Variants in PLEKHA6 observed in about 807,000 individuals in gnomAD.
PLEKHA6 encodes pleckstrin homology domain-containing family A member 6.
Under a neutral mutation model 116.7 loss-of-function variants are expected in PLEKHA6, and 60 were observed. That is an observed-to-expected ratio of 0.51 (90% CI 0.42 to 0.64). PLEKHA6 has a LOEUF of 0.64. PLEKHA6 is among the 30% of genes least tolerant of loss of function. PLEKHA6 has a pLI of 0.00. For synonymous variants in PLEKHA6, 489 were observed against 556.1 expected (o/e 0.88, Z 1.70); for missense variants, 1,338 against 1,422.7 (o/e 0.94, Z 0.96).
chr1:204,346,959 C>T, intron 1 of PLEKHA6: 2 of 1,210,094 alleles, frequency 1.7e-6, no homozygotes, highest in Non-Finnish European at 2.4e-6. Flanking sequence ...TATCTCGGCT[C>T]TTAGAGTGCT....
At chr1:204,240,662 T>C (rs924802984) in intron 17 of PLEKHA6, among the ~76,000 whole-genome samples, 3 of 152,220 alleles carry the variant, frequency 2.0e-5, no homozygotes, top group Non-Finnish European at 4.4e-5. Flanking sequence ...GGTGTAATTA[T>C]GACCTTATTA....
intron 1 of PLEKHA6, among the ~76,000 whole-genome samples, chr1:204,291,592 A>G (rs187528211): frequency 6.6e-6 from 1 of 152,382 alleles, no homozygotes; most frequent in East Asian, 1.9e-4. Context: ...ACTCAGCAAT[A>G]AAAAGAAATG....
intron 3 of PLEKHA6, among the ~76,000 whole-genome samples, chr1:204,366,298 C>G (rs1240764676): frequency 6.6e-6 from 1 of 151,816 alleles, no homozygotes; most frequent in Non-Finnish European, 1.5e-5. Context: ...CAGTCTATAA[C>G]TGTCATGTGA....
intron 1 of PLEKHA6, among the ~76,000 whole-genome samples, chr1:204,353,602 G>A (rs956690754): frequency 1.3e-5 from 2 of 152,202 alleles, no homozygotes; most frequent in African/African-American, 2.4e-5. Flanking sequence ...CACATTTGAT[G>A]TGATCATGGA....
chr1:204,344,367 A>C (rs1672954879), intron 1 of PLEKHA6, among the ~76,000 whole-genome samples: 1 of 152,154 alleles, frequency 6.6e-6, no homozygotes, highest in African/African-American at 2.4e-5. Flanking sequence ...TGGGAGGCCT[A>C]GGCAGGTGGA....
intron 1 of PLEKHA6, among the ~76,000 whole-genome samples, chr1:204,334,140 A>G (rs891903477): frequency 2.6e-5 from 4 of 152,192 alleles, no homozygotes; most frequent in Non-Finnish European, 5.9e-5. Flanking sequence ...AAGGACAGAT[A>G]TGCTTCGGTC....
chr1:204,318,529 T>C (rs1671944743), intron 1 of PLEKHA6, among the ~76,000 whole-genome samples: 1 of 152,226 alleles, frequency 6.6e-6, no homozygotes. Flanking sequence ...CTCGGAAGTT[T>C]TGGCCACTGA....
At chr1:204,310,835 G>GA (rs1031719690) in intron 1 of PLEKHA6, among the ~76,000 whole-genome samples, 10 of 152,162 alleles carry the variant, frequency 6.6e-5, no homozygotes, top group African/African-American at 1.9e-4. Flanking sequence ...GACTTTGGGA[G>GA]AAAAAATCAT....
At chr1:204,311,901 C>T (rs1466606810) in intron 1 of PLEKHA6, among the ~76,000 whole-genome samples, 1 of 152,182 alleles carries the variant, frequency 6.6e-6, no homozygotes, top group East Asian at 1.9e-4. Flanking sequence ...AATAGCATTT[C>T]CTCTGGTCTC....
Position 204,257,069 on chromosome 1 carries a change from C to A in PLEKHA6, c.1524+284G>T, listed in dbSNP as rs368186384. Among the ~76,000 whole-genome samples, 137 of 152,320 alleles carry A rather than the reference C, an allele frequency of 9.0e-4. No homozygotes were observed. The highest frequency in any genetic ancestry group is 3.2e-3 in the African/African-American group (132 of 41,570). ...TCCTCAAGATTTGAAAAGACAGAACCCTCTCTGCCCTCTTATATGACGGCA... is the reference window on the plus strand; with the variant it reads ...TCCTCAAGATTTGAAAAGACAGAACACTCTCTGCCCTCTTATATGACGGCA... On this transcript the variant is annotated intron_variant, in intron 9 of 22. Transcript: ENST00000272203. This position sits in a 1 kb window ranked among gnomAD's most constrained non-coding sequence, Gnocchi z 6.5.
At chr1:204,255,289 G>C (rs141546135) in intron 9 of PLEKHA6, among the ~76,000 whole-genome samples, 3 of 152,064 alleles carry the variant, frequency 2.0e-5, no homozygotes, top group Admixed American at 2.0e-4. Context: ...GAGCTCCCTC[G>C]ACTCTGCGAC....
intron 1 of PLEKHA6, among the ~76,000 whole-genome samples, chr1:204,294,751 C>T (rs1471696566): frequency 6.6e-6 from 1 of 152,190 alleles, no homozygotes; most frequent in Non-Finnish European, 1.5e-5. Flanking sequence ...ATTCCCCCAT[C>T]TGTGAAAACG....
chr1:204,327,106 G>T, intron 1 of PLEKHA6: 1 of 642,390 alleles, frequency 1.6e-6, no homozygotes, highest in Non-Finnish European at 1.9e-6. Flanking sequence ...CTGCTCACAT[G>T]CTTGAGTCAC....
At chr1:204,296,445 A>G (rs1325219168) in intron 1 of PLEKHA6, among the ~76,000 whole-genome samples, 2 of 151,860 alleles carry the variant, frequency 1.3e-5, no homozygotes, top group East Asian at 1.9e-4. Flanking sequence ...CCCTCCTCCA[A>G]TGCCCTGCAC....
At chr1:204,351,843 T>C (rs1322011814) in intron 1 of PLEKHA6, among the ~76,000 whole-genome samples, 1 of 152,164 alleles carries the variant, frequency 6.6e-6, no homozygotes, top group Non-Finnish European at 1.5e-5. Flanking sequence ...GGTTTCAAGG[T>C]GACATTTTTA....
At position 204,267,593 on chromosome 1, in the gene PLEKHA6, T is replaced by A. The variant is rs371797045; in HGVS notation, c.208-46A>T. 3.2e-4 allele frequency: 481 copies of A among 1,524,988 alleles called. 4 individuals carry two copies. In the South Asian group the frequency reaches 4.9e-3, roughly 15 times the overall value. The allele number at this position is 1,524,988 out of a possible 1,614,324, so 94.5% of individuals were successfully genotyped here. On this transcript the variant is annotated intron_variant, in intron 4 of 22. Coordinates refer to ENST00000272203, the MANE Select transcript of PLEKHA6 (RefSeq NM_014935.5). ...AGATGTGAGGGCTGCAAGCTGGACG[T>A]GGACGAGGAGATGGGATGCAGGGAA...
chr1:204,321,931 T>C (rs1383802047), intron 1 of PLEKHA6, among the ~76,000 whole-genome samples: 1 of 152,214 alleles, frequency 6.6e-6, no homozygotes, highest in Non-Finnish European at 1.5e-5. Context: ...GAGCTGCCCC[T>C]GGGGCTCTGG....
chr1:204,223,501 C>A lies in PLEKHA6; in HGVS notation c.3116G>T (p.Gly1039Val). Residue 1039 changes from glycine to valine, a missense_variant, in exon 22 of 23, where the codon GGC becomes GTC. Coordinates refer to ENST00000272203, the MANE Select transcript of PLEKHA6 (RefSeq NM_014935.5). This position sits in a 1 kb window ranked among gnomAD's most constrained non-coding sequence, Gnocchi z 4.8. ...CCGCATGGTATAGCTGCTGTCGGCG[C>A]CCCGTGGGGATTCAGACGACAGGGG... ...ANPLSSESPRGADSSYTMRV is the reference protein window; with the variant it reads ...ANPLSSESPRVADSSYTMRV 2 of 1,550,146 alleles carry A rather than the reference C, an allele frequency of 1.3e-6. No individual in the cohort carries two copies. Among genetic ancestry groups the A allele is most frequent in the Middle Eastern group, 1.7e-4 (1 of 5,926 alleles).
At chr1:204,263,356 G>A (rs1666374753) in intron 6 of PLEKHA6, among the ~76,000 whole-genome samples, 1 of 152,226 alleles carries the variant, frequency 6.6e-6, no homozygotes, top group African/African-American at 2.4e-5. Flanking sequence ...GCATTCAGCG[G>A]TAGCCTGGGC....
Sources: gnomAD v4.1 joint callset for allele counts (sites outside exome capture counted in the v4.1 genomes callset) on GRCh38, gnomAD v4.1.1 for gene constraint, Gnocchi (gnomAD v3.1) non-coding constraint, MANE v1.5 for transcripts, NCBI Gene and HGNC (gene_info 2026-07-23, HGNC 2026-07-21) for gene names.